CHD2: variants seen among roughly 807,000 people sequenced by gnomAD.
The protein encoded by CHD2 is ATP-dependent chromatin remodeler CHD2.
In CHD2, 28 loss-of-function variants were observed where a neutral mutation model predicts 243.9. The observed-to-expected ratio is 0.11, with a 90% CI of 0.09 to 0.16. CHD2 has a LOEUF of 0.16. Ranked by LOEUF, CHD2 falls within the 10% of genes least tolerant of loss-of-function variation. CHD2 has a pLI of 1.00. For synonymous variants in CHD2, 775 were observed against 779.0 expected (o/e 0.99, Z 0.09); for missense variants, 1,386 against 2,209.8 (o/e 0.63, Z 7.47).
At chr15:92,957,794 A>C (rs2053635412) in intron 16 of CHD2, among the ~76,000 whole-genome samples, 1 of 152,148 alleles carries the variant, frequency 6.6e-6, no homozygotes, top group Admixed American at 6.6e-5. Flanking sequence ...CATCCCAAAA[A>C]GTTCCCCCTT....
chr15:92,937,494 A>T, intron 5 of CHD2, 24 bp from the exon 6 acceptor site: 3 of 1,525,612 alleles, frequency 2.0e-6, no homozygotes, highest in Non-Finnish European at 2.7e-6. Flanking sequence ...GAAAAAAATT[A>T]CTTTGTTTTG....
chr15:92,929,839 G>A (rs919025651), intron 5 of CHD2, among the ~76,000 whole-genome samples: 4 of 152,038 alleles, frequency 2.6e-5, no homozygotes, highest in African/African-American at 9.7e-5. Flanking sequence ...AGGTACATAT[G>A]CTCTGTTGTA....
At position 92,984,232 on chromosome 15, in the gene CHD2, T is replaced by C. The variant is rs1481317601; in HGVS notation, c.3067-98T>C. 3 of 893,052 alleles carry C rather than the reference T, an allele frequency of 3.4e-6. No individual in the cohort carries two copies. The African/African-American group carries it at 5.2e-5, about 15-fold the overall frequency. The allele number at this position is 893,052 out of a possible 1,614,324, so 55.3% of individuals were successfully genotyped here. A position where few individuals can be genotyped will look rare whatever the true frequency, so the allele number is the denominator to read the frequency against. On this transcript the variant is annotated intron_variant, in intron 24 of 38. Transcript: ENST00000394196. ...ATGTAATATCACAAAAGTCCTATTA[T>C]TCACAGTGTCTACTTAGATAAAAAC... is the stretch of plus-strand genomic sequence containing the variant.
intron 31 of CHD2, among the ~76,000 whole-genome samples, chr15:92,999,587 A>G (rs2054228458): frequency 1.3e-5 from 2 of 152,162 alleles, no homozygotes; most frequent in Admixed American, 1.3e-4. Flanking sequence ...TGTCATTTAT[A>G]TTGATTTCCC....
At chr15:92,981,900 T>C (rs1483838498) in intron 24 of CHD2, among the ~76,000 whole-genome samples, 1 of 152,214 alleles carries the variant, frequency 6.6e-6, no homozygotes, top group East Asian at 1.9e-4. Flanking sequence ...GTCAGTGGTG[T>C]CTCATATAAC....
At chr15:92,973,823 G>T (rs896836954) in intron 19 of CHD2, among the ~76,000 whole-genome samples, 7 of 152,168 alleles carry the variant, frequency 4.6e-5, no homozygotes, top group African/African-American at 1.7e-4. Context: ...CTCTACTAAT[G>T]GGAATATTAA....
intron 2 of CHD2, among the ~76,000 whole-genome samples, chr15:92,919,448 A>G (rs2052911713): frequency 6.6e-6 from 1 of 151,808 alleles, no homozygotes; most frequent in Non-Finnish European, 1.5e-5. Context: ...GCTGGAGTGC[A>G]ATGGCACGAT....
chr15:92,951,420 C>G (rs925853264), intron 13 of CHD2, among the ~76,000 whole-genome samples: 2 of 152,136 alleles, frequency 1.3e-5, no homozygotes, highest in Admixed American at 6.5e-5. Flanking sequence ...ATCTGCCTGC[C>G]TTGGCCTCCC....
chr15:92,990,805 G>A (rs1014114138), intron 26 of CHD2, among the ~76,000 whole-genome samples: 6 of 152,136 alleles, frequency 3.9e-5, no homozygotes, highest in Non-Finnish European at 1.5e-5. Context: ...CTGGTTTTTA[G>A]TGGAAAGTAC....
chr15:93,023,276 A>G (rs916677340), intron 38 of CHD2, among the ~76,000 whole-genome samples: 4 of 152,358 alleles, frequency 2.6e-5, no homozygotes, highest in Middle Eastern at 6.8e-3. Context: ...AGAGTCATAC[A>G]ATATGTGACC....
chr15:93,010,732 A>G (rs1038611679), intron 35 of CHD2, among the ~76,000 whole-genome samples: 6 of 152,186 alleles, frequency 3.9e-5, no homozygotes, highest in Non-Finnish European at 7.4e-5. Flanking sequence ...CCATGGCTGG[A>G]AATTCTAAAA....
chr15:92,986,707 C>T (rs145518724), intron 26 of CHD2, among the ~76,000 whole-genome samples: 1 of 152,200 alleles, frequency 6.6e-6, no homozygotes, highest in East Asian at 1.9e-4. Context: ...TTAATTTCTT[C>T]ATTGATTTTC....
chr15:92,979,090 TG>T (rs753177623), intron 21 of CHD2, 44 bp from the exon 22 acceptor site: 11 of 1,593,832 alleles, frequency 6.9e-6, no homozygotes, highest in Admixed American at 1.8e-5. Flanking sequence ...TTGGGGGGGT[TG>T]GGGGGTGGTT....
chr15:93,012,076 C>G (rs1459545685), intron 35 of CHD2, among the ~76,000 whole-genome samples: 1 of 152,114 alleles, frequency 6.6e-6, no homozygotes, highest in Admixed American at 6.6e-5. Flanking sequence ...AACGTTGTTT[C>G]CTTCAGCTTT....
chr15:92,972,467 C>T (rs368857338), intron 19 of CHD2, 50 bp downstream of exon 19: 37 of 1,478,520 alleles, frequency 2.5e-5, no homozygotes, highest in Middle Eastern at 3.5e-4. Flanking sequence ...TCTCTCTCCG[C>T]CTCCCCTCCC....
rs561003630 is a variant in CHD2 at position 92,912,777 on chromosome 15, G to A, written c.62+11478G>A. On this transcript the variant is annotated intron_variant, in intron 2 of 38. Coordinates refer to ENST00000394196, the MANE Select transcript of CHD2 (RefSeq NM_001271.4). ...TCTCAAACTCCTGACCTCGTGATCC[G>A]CCAACCTTGTGATCCGCCCGCCTCG... Among the ~76,000 whole-genome samples, 8 of 147,264 alleles carry A rather than the reference G, an allele frequency of 5.4e-5. No homozygotes were observed. The East Asian group carries it at 5.8e-4, about 11-fold the overall frequency.
intron 5 of CHD2, among the ~76,000 whole-genome samples, chr15:92,929,831 G>A (rs1221708565): frequency 6.6e-6 from 1 of 151,802 alleles, no homozygotes; most frequent in Non-Finnish European, 1.5e-5. Context: ...AGAGCTCTAG[G>A]TACATATGCT....
At chr15:92,988,845 TG>T (rs894557548) in intron 26 of CHD2, among the ~76,000 whole-genome samples, 11 of 152,214 alleles carry the variant, frequency 7.2e-5, no homozygotes, top group African/African-American at 2.6e-4. Context: ...ACAGCATTTC[TG>T]TTTCTATTGA....
At chr15:92,958,871 A>C (rs2053649011) in intron 16 of CHD2, among the ~76,000 whole-genome samples, 1 of 152,192 alleles carries the variant, frequency 6.6e-6, no homozygotes, top group African/African-American at 2.4e-5. Context: ...AAGCGTTCTG[A>C]GCACATTCAG....
Sources: allele counts gnomAD v4.1 joint callset (sites outside exome capture counted in the v4.1 genomes callset), GRCh38; gene constraint gnomAD v4.1.1; transcripts MANE v1.5; gene names NCBI Gene and HGNC (gene_info 2026-07-23, HGNC 2026-07-21).